Variants in NTRK2 observed in about 807,000 individuals in gnomAD.
NTRK2 encodes the protein BDNF/NT-3 growth factors receptor.
In NTRK2, 13 loss-of-function variants were observed where a neutral mutation model predicts 94.5. The ratio of observed to expected loss-of-function variants is 0.14; its 90% CI spans 0.09 to 0.22. The LOEUF (loss-of-function observed/expected upper bound fraction) is 0.22. NTRK2 is among the 10% of genes least tolerant of loss of function. The pLI is 1.00. For synonymous variants in NTRK2, 372 were observed against 407.4 expected (o/e 0.91, Z 1.05); for missense variants, 639 against 1,071.2 (o/e 0.60, Z 5.63).
In NTRK2 at chr9:84,954,461, A is replaced by T. The variant is rs550995285; in HGVS notation, c.1938-822A>T. Among the ~76,000 whole-genome samples the T allele has an allele frequency of 2.6e-5, 4 of 152,344 alleles. No individual in the cohort carries two copies. In the East Asian group the frequency reaches 7.7e-4, roughly 29 times the overall value. ...ACAGAAGAAAAATAAGATTTAAAAAATCATAGTCCCCCTCCCCATAGTGTA... is the reference window on the plus strand; with the variant it reads ...ACAGAAGAAAAATAAGATTTAAAAATTCATAGTCCCCCTCCCCATAGTGTA... On this transcript the variant is annotated intron_variant, in intron 16 of 18. Coordinates refer to ENST00000277120, the MANE Select transcript of NTRK2 (RefSeq NM_006180.6).
chr9:84,975,882 C>T (rs1457368279), intron 17 of NTRK2, among the ~76,000 whole-genome samples: 1 of 150,558 alleles, frequency 6.6e-6, no homozygotes, highest in Non-Finnish European at 1.5e-5. Context: ...GGTGTAGATA[C>T]GTTTTAGGGA....
intron 12 of NTRK2, among the ~76,000 whole-genome samples, chr9:84,825,669 T>G (rs767746939): frequency 9.2e-5 from 14 of 152,244 alleles, no homozygotes; most frequent in Non-Finnish European, 1.8e-4. Flanking sequence ...ATCATGATTG[T>G]TACCTATCTT....
chr9:84,934,308 A>C lies in NTRK2; in HGVS notation c.1764+16A>C. The stretch of plus-strand genomic sequence containing the variant: ...GGCAGTGAAGGTAAGAGAACATTCC[A>C]GAATGTCTCATTAACCATGATCACA... On this transcript the variant is annotated intron_variant, in intron 15 of 18. Coordinates refer to ENST00000277120, the MANE Select transcript of NTRK2 (RefSeq NM_006180.6). The C allele has an allele frequency of 6.2e-7, 1 of 1,613,630 alleles. No homozygotes were observed. Among genetic ancestry groups the C allele is most frequent in the Non-Finnish European group, 8.5e-7 (1 of 1,179,656 alleles).
intron 17 of NTRK2, among the ~76,000 whole-genome samples, chr9:84,982,282 A>G (rs1286413943): frequency 1.3e-5 from 2 of 152,198 alleles, no homozygotes; most frequent in East Asian, 3.9e-4. Context: ...ATGACTGAGA[A>G]TGAGCCGAGG....
chr9:85,010,345 G>A (rs1351380558), intron 17 of NTRK2, among the ~76,000 whole-genome samples: 2 of 152,130 alleles, frequency 1.3e-5, no homozygotes, highest in African/African-American at 4.8e-5. Flanking sequence ...CAGCACCTTG[G>A]TAGTCTCCGT....
intron 17 of NTRK2, among the ~76,000 whole-genome samples, chr9:85,003,523 G>A (rs1465817605): frequency 2.6e-5 from 4 of 152,182 alleles, no homozygotes; most frequent in African/African-American, 9.7e-5. Context: ...GCAAGGGGGA[G>A]AGATGTCGGT....
intron 17 of NTRK2, among the ~76,000 whole-genome samples, chr9:84,956,084 A>T (rs956031557): frequency 6.6e-6 from 1 of 152,170 alleles, no homozygotes; most frequent in African/African-American, 2.4e-5. Flanking sequence ...AGGTTAAAGG[A>T]TGCTGAGGTT....
At chr9:84,861,343 C>T (rs1230661645) in intron 13 of NTRK2, among the ~76,000 whole-genome samples, 2 of 152,052 alleles carry the variant, frequency 1.3e-5, no homozygotes, top group African/African-American at 4.8e-5. Flanking sequence ...ACTGTCGTTC[C>T]AGTTCTAGTT....
chr9:84,765,918 T>A (rs967268054), intron 12 of NTRK2, among the ~76,000 whole-genome samples: 1 of 152,086 alleles, frequency 6.6e-6, no homozygotes, highest in Non-Finnish European at 1.5e-5. Context: ...TAGAAAAAAT[T>A]AAAAAATATG....
intron 14 of NTRK2, among the ~76,000 whole-genome samples, chr9:84,933,580 A>G (rs1031501565): frequency 1.6e-4 from 25 of 152,196 alleles, no homozygotes; most frequent in South Asian, 4.1e-4. Flanking sequence ...AGACGTCTAG[A>G]TGTTTCTGAT....
Position 84,776,942 on chromosome 9 carries a change from G to A in NTRK2, c.1396+24857G>A, listed in dbSNP as rs76734701. Among the ~76,000 whole-genome samples, 704 of 152,334 alleles carry A rather than the reference G, an allele frequency of 4.6e-3. 7 individuals are homozygous for A. The highest frequency in any genetic ancestry group is 0.016 in the African/African-American group (665 of 41,574). Reference sequence around the variant, plus strand: ...AAGGGCAGTCAGTACCTTTCTTTGTGAGATATACAGAAGTGCTAGAGAGAA... The same window carrying A: ...AAGGGCAGTCAGTACCTTTCTTTGTAAGATATACAGAAGTGCTAGAGAGAA... On this transcript the variant is annotated intron_variant, in intron 12 of 18. Transcript: ENST00000277120.
At chr9:84,753,484 C>G (rs1352362972) in intron 12 of NTRK2, among the ~76,000 whole-genome samples, 1 of 152,140 alleles carries the variant, frequency 6.6e-6, no homozygotes, top group Non-Finnish European at 1.5e-5. Context: ...TTGTTGTGTT[C>G]TCTACACAAC....
intron 12 of NTRK2, among the ~76,000 whole-genome samples, chr9:84,775,474 T>A (rs2066941396): frequency 6.6e-6 from 1 of 152,248 alleles, no homozygotes; most frequent in African/African-American, 2.4e-5. Context: ...GTAATTTGCC[T>A]GGTTTATTGC....
chr9:84,699,727 C>G (rs1224283050), intron 2 of NTRK2, among the ~76,000 whole-genome samples: 2 of 149,914 alleles, frequency 1.3e-5, no homozygotes, highest in African/African-American at 4.9e-5. Context: ...GTTGATATCT[C>G]TTTATTTTTA....
chr9:84,835,168 A>G (rs1196330833), intron 12 of NTRK2, among the ~76,000 whole-genome samples: 2 of 152,150 alleles, frequency 1.3e-5, no homozygotes, highest in Non-Finnish European at 1.5e-5. Flanking sequence ...ATTCACCTAC[A>G]TATCATTTCA....
At chr9:84,794,093 G>A (rs1588641601) in intron 12 of NTRK2, among the ~76,000 whole-genome samples, 1 of 152,152 alleles carries the variant, frequency 6.6e-6, no homozygotes, top group East Asian at 1.9e-4. Context: ...TGAGGTTTGG[G>A]GATCTCAGGT....
chr9:84,939,153 CTT>C (rs2132774878), intron 15 of NTRK2, among the ~76,000 whole-genome samples: 1 of 150,444 alleles, frequency 6.6e-6, no homozygotes, highest in South Asian at 2.1e-4. Context: ...TAGTCATAGA[CTT>C]TTATAGCTGA....
chr9:84,852,207 A>G (rs986748515), intron 12 of NTRK2, among the ~76,000 whole-genome samples: 11 of 152,204 alleles, frequency 7.2e-5, no homozygotes, highest in Admixed American at 3.3e-4. Context: ...ATCGCTTCTA[A>G]GATGATTCCC....
intron 14 of NTRK2, among the ~76,000 whole-genome samples, chr9:84,926,335 C>T (rs11794377): frequency 0.052 from 7,954 of 151,766 alleles, 282 homozygotes; most frequent in Admixed American, 0.11. Context: ...CGGGTTCAAG[C>T]GATTCTCCTG....
Sources: gnomAD v4.1 joint callset for allele counts (sites outside exome capture counted in the v4.1 genomes callset) on GRCh38, gnomAD v4.1.1 for gene constraint, MANE v1.5 for transcripts, NCBI Gene and HGNC (gene_info 2026-07-23, HGNC 2026-07-21) for gene names.